Variants in FAT4 observed in about 807,000 individuals in gnomAD.
The protein encoded by FAT4 is FAT atypical cadherin 4, also known as protocadherin Fat 4.
Under a neutral mutation model 303.9 loss-of-function variants are expected in FAT4, and 84 were observed. The ratio of observed to expected loss-of-function variants is 0.28; its 90% CI spans 0.23 to 0.33. FAT4 has a LOEUF of 0.33. FAT4 is among the 10% of genes least tolerant of loss of function. The pLI, the probability that FAT4 is intolerant of heterozygous loss-of-function variation, is 1.00. For synonymous variants in FAT4, 2,307 were observed against 2,298.8 expected (o/e 1.00, Z -0.10); for missense variants, 6,005 against 6,146.8 (o/e 0.98, Z 0.77).
chr4:125,455,136 A>G (rs1428654415), intron 10 of FAT4, among the ~76,000 whole-genome samples: 3 of 152,180 alleles, frequency 2.0e-5, no homozygotes, highest in East Asian at 1.9e-4. Flanking sequence ...CAACAATAAG[A>G]GTTTTTATAT....
chr4:125,399,550 G>A (rs903270119), intron 3 of FAT4, among the ~76,000 whole-genome samples: 11 of 151,752 alleles, frequency 7.2e-5, no homozygotes, highest in Admixed American at 5.9e-4. Context: ...AAGCCAAGCC[G>A]AACACAGAAC....
At chr4:125,467,659 T>G (rs1258743926) in intron 11 of FAT4, among the ~76,000 whole-genome samples, 1 of 152,104 alleles carries the variant, frequency 6.6e-6, no homozygotes, top group Non-Finnish European at 1.5e-5. Flanking sequence ...AGATAAAAAC[T>G]TAAAAGACAG....
At chr4:125,426,084 ATTG>A (rs1426848433) in intron 7 of FAT4, among the ~76,000 whole-genome samples, 7 of 152,020 alleles carry the variant, frequency 4.6e-5, no homozygotes, top group Non-Finnish European at 1.0e-4. Context: ...AACATTTTGA[ATTG>A]TTGTCTGTCA....
At chr4:125,362,499 G>C (rs1389006304) in intron 2 of FAT4, among the ~76,000 whole-genome samples, 1 of 152,100 alleles carries the variant, frequency 6.6e-6, no homozygotes, top group Non-Finnish European at 1.5e-5. Context: ...CTGATGCAGG[G>C]AAAAAGATTC....
intron 3 of FAT4, among the ~76,000 whole-genome samples, chr4:125,405,490 T>C (rs1455035880): frequency 6.6e-6 from 1 of 152,014 alleles, no homozygotes; most frequent in Non-Finnish European, 1.5e-5. Flanking sequence ...TTAGTGACAC[T>C]GAGTATTTTT....
intron 5 of FAT4, among the ~76,000 whole-genome samples, chr4:125,411,650 A>G (rs1007196904): frequency 3.3e-5 from 5 of 151,098 alleles, no homozygotes; most frequent in African/African-American, 1.2e-4. Flanking sequence ...AGAAGATAAC[A>G]TTTATAGATT....
At chr4:125,338,732 C>T (rs1731665006) in intron 2 of FAT4, among the ~76,000 whole-genome samples, 1 of 152,076 alleles carries the variant, frequency 6.6e-6, no homozygotes, top group Admixed American at 6.5e-5. Context: ...TTTATCCTGT[C>T]TGAGCTTTTG....
At position 125,319,404 on chromosome 4, in the gene FAT4, A is replaced by G; in HGVS notation, c.2993A>G (p.Gln998Arg). The G allele has an allele frequency of 6.2e-7, 1 of 1,613,562 alleles. No homozygotes were observed. Among genetic ancestry groups the G allele is most frequent in the Non-Finnish European group, 8.5e-7 (1 of 1,179,888 alleles). ...AATGACAATTCACCAGTGTTTGACCAACTCTCTTATGAAGTCACCCTTTCT... is the reference window on the plus strand; with the variant it reads ...AATGACAATTCACCAGTGTTTGACCGACTCTCTTATGAAGTCACCCTTTCT... Reference protein sequence around the residue: ...DVNDNSPVFDQLSYEVTLSES... With the variant: ...DVNDNSPVFDRLSYEVTLSES... The change falls in exon 2 of 18, where the codon CAA becomes CGA. Residue 998 changes from glutamine to arginine, a missense_variant. By Grantham distance (43) the Gln-to-Arg change is conservative (BLOSUM62 1). Coordinates refer to ENST00000394329, the MANE Select transcript of FAT4 (RefSeq NM_001291303.3).
At chr4:125,321,691 A>C (rs1033483840) in intron 2 of FAT4, 105 bp downstream of exon 2, 1 of 1,182,106 alleles carries the variant, frequency 8.5e-7, no homozygotes, top group Non-Finnish European at 1.1e-6. Flanking sequence ...TTTATTGTTA[A>C]ATTTGTGAAC....
chr4:125,455,206 C>T (rs1726236384), intron 10 of FAT4, among the ~76,000 whole-genome samples: 2 of 152,036 alleles, frequency 1.3e-5, no homozygotes, highest in South Asian at 2.1e-4. Flanking sequence ...ACATTTAGTC[C>T]TAGAATGAAG....
chr4:125,448,483 A>T lies in FAT4; in HGVS notation c.7473A>T (p.Thr2491=). The T allele has an allele frequency of 6.2e-7, 1 of 1,605,994 alleles. No individual in the cohort carries two copies. Among genetic ancestry groups the T allele is most frequent in the Non-Finnish European group, 8.5e-7 (1 of 1,175,590 alleles). ...TAGGTTCCTTTGTCTTTGCGGTTAC[A>T]GTCACAGATGCTGATATTGGACCAA... is the stretch of plus-strand genomic sequence containing the variant. The part of the protein sequence containing the change: ...TLPGSFVFAV[T]VTDADIGPNS... Residue 2491 remains threonine, a synonymous_variant, in exon 10 of 18, where the codon ACA becomes ACT. Coordinates refer to ENST00000394329, the MANE Select transcript of FAT4 (RefSeq NM_001291303.3).
Position 125,320,856 on chromosome 4 carries a change from C to A in FAT4, c.4445C>A (p.Ala1482Asp). 1 of 1,614,172 alleles carries A rather than the reference C, an allele frequency of 6.2e-7. No homozygotes were observed. Among genetic ancestry groups the A allele is most frequent in the East Asian group, 2.2e-5 (1 of 44,886 alleles). Residue 1482 changes from alanine to aspartate, a missense_variant, in exon 2 of 18, where the codon GCT becomes GAT. Physicochemically the swap from Ala to Asp is moderately radical, Grantham distance 126. Transcript: ENST00000394329. ...GTCAAAGGGACTATATATACTAATG[C>A]TGAAATAGATCGGGAATTTGCTAAT... Reference protein sequence around the residue: ...DEVKGTIYTNAEIDREFANLF... With the variant: ...DEVKGTIYTNDEIDREFANLF...
At chr4:125,390,528 A>G (rs1342578716) in intron 2 of FAT4, among the ~76,000 whole-genome samples, 1 of 152,244 alleles carries the variant, frequency 6.6e-6, no homozygotes, top group African/African-American at 2.4e-5. Context: ...GTAGGCTTCC[A>G]GCATCTTGTT....
chr4:125,449,969 A>G lies in FAT4; in HGVS notation c.8959A>G (p.Lys2987Glu), dbSNP rs568863803. The change falls in exon 10 of 18, where the codon AAA (lysine) becomes GAA (glutamate). Residue 2987 changes from lysine to glutamate, a missense_variant. By Grantham distance (56) the Lys-to-Glu change is moderately conservative (BLOSUM62 1). Coordinates refer to ENST00000394329, the MANE Select transcript of FAT4 (RefSeq NM_001291303.3). Reference sequence around the variant, plus strand: ...TAATGACAATGCACCTCAATTTCTTAAAAGTAAATATTTCACTCCAGTCAC... The same window carrying G: ...TAATGACAATGCACCTCAATTTCTTGAAAGTAAATATTTCACTCCAGTCAC... ...DSNDNAPQFL[K>E]SKYFTPVTKN... 2 of 1,613,682 alleles carry G rather than the reference A, an allele frequency of 1.2e-6. No individual in the cohort carries two copies. The highest frequency in any genetic ancestry group is 1.7e-6 in the Non-Finnish European group (2 of 1,179,872).
chr4:125,475,568 C>A (rs1474281431), intron 12 of FAT4, among the ~76,000 whole-genome samples: 1 of 151,982 alleles, frequency 6.6e-6, no homozygotes, highest in Non-Finnish European at 1.5e-5. Context: ...CCTGATTATA[C>A]AGAAATATGC....
intron 16 of FAT4, among the ~76,000 whole-genome samples, chr4:125,485,316 A>G (rs765885205): frequency 6.6e-6 from 1 of 152,096 alleles, no homozygotes; most frequent in African/African-American, 2.4e-5. Flanking sequence ...TTTTGTAATA[A>G]CAATTAAAAC....
chr4:125,332,358 G>A (rs994413223), intron 2 of FAT4, among the ~76,000 whole-genome samples: 2 of 151,940 alleles, frequency 1.3e-5, no homozygotes, highest in Non-Finnish European at 2.9e-5. Flanking sequence ...TGGTGTTAAT[G>A]CTATTTTTCA....
Position 125,381,556 on chromosome 4 carries a change from C to T in FAT4, c.5176-17228C>T, listed in dbSNP as rs367798970. ...AATTTAAAAATACTTTATGCTAATA[C>T]ATGCTAACAGCTACCTGAGCCTTCA... On this transcript the variant is annotated intron_variant, in intron 2 of 17. Transcript: ENST00000394329. 3.4e-4 allele frequency among the ~76,000 whole-genome samples: 52 copies of T among 152,288 alleles called. 1 individual carries two copies. The highest frequency in any genetic ancestry group is 1.2e-3 in the African/African-American group (50 of 41,562).
intron 8 of FAT4, among the ~76,000 whole-genome samples, chr4:125,436,058 G>A (rs1725439899): frequency 7.0e-6 from 1 of 142,240 alleles, no homozygotes; most frequent in Admixed American, 7.0e-5. Context: ...GGGGAGGGGG[G>A]GAGGGATAGC....
Sources: allele counts gnomAD v4.1 joint callset (sites outside exome capture counted in the v4.1 genomes callset), GRCh38; gene constraint gnomAD v4.1.1; transcripts MANE v1.5; gene names NCBI Gene and HGNC (gene_info 2026-07-23, HGNC 2026-07-21).